NOL4: variants seen among roughly 807,000 people sequenced by gnomAD.
The protein encoded by NOL4 is cancer/testis antigen 125.
NOL4 carries 17 observed loss-of-function variants against 75.9 expected under a neutral mutation model. That is an observed-to-expected ratio of 0.22 (90% CI 0.15 to 0.34). The LOEUF (loss-of-function observed/expected upper bound fraction) is 0.34. Ranked by LOEUF, NOL4 falls within the 10% of genes least tolerant of loss-of-function variation. The pLI is 1.00. For synonymous variants in NOL4, 292 were observed against 289.9 expected (o/e 1.01, Z -0.07); for missense variants, 614 against 793.5 (o/e 0.77, Z 2.72).
At chr18:34,054,887 A>G (rs1306692930) in intron 5 of NOL4, among the ~76,000 whole-genome samples, 1 of 150,916 alleles carries the variant, frequency 6.6e-6, no homozygotes, top group African/African-American at 2.4e-5. Context: ...TACTGTTGCA[A>G]TTAGACAAAA....
chr18:34,087,563 G>C (rs1321781461), intron 5 of NOL4, among the ~76,000 whole-genome samples: 5 of 151,884 alleles, frequency 3.3e-5, no homozygotes, highest in Non-Finnish European at 7.4e-5. Flanking sequence ...AATTTCATAT[G>C]GTTTAATCTA....
At chr18:34,012,562 T>C (rs753966126) in intron 6 of NOL4, among the ~76,000 whole-genome samples, 5 of 151,880 alleles carry the variant, frequency 3.3e-5, no homozygotes, top group Non-Finnish European at 7.4e-5. Context: ...AAGATGCTGT[T>C]TTAAATTGGT....
At chr18:33,938,465 A>G (rs1416163628) in intron 9 of NOL4, among the ~76,000 whole-genome samples, 1 of 152,076 alleles carries the variant, frequency 6.6e-6, no homozygotes, top group African/African-American at 2.4e-5. Flanking sequence ...CTTTTTAATG[A>G]TCGCCATTCT....
chr18:34,124,558 A>C (rs1416801248), intron 2 of NOL4, among the ~76,000 whole-genome samples: 4 of 152,110 alleles, frequency 2.6e-5, no homozygotes, highest in African/African-American at 9.7e-5. Context: ...CTTAACTTCT[A>C]ACTGTCAAAC....
chr18:33,947,254 G>C (rs1312423757), intron 8 of NOL4, among the ~76,000 whole-genome samples: 2 of 151,666 alleles, frequency 1.3e-5, no homozygotes, highest in African/African-American at 4.8e-5. Flanking sequence ...ATCTCCTTCT[G>C]AACTCTCCTT....
At chr18:33,947,011 TA>T (rs1463429554) in intron 8 of NOL4, among the ~76,000 whole-genome samples, 1 of 151,716 alleles carries the variant, frequency 6.6e-6, no homozygotes, top group African/African-American at 2.4e-5. Flanking sequence ...AATGAGCCAA[TA>T]ATAAATGCCA....
chr18:34,101,984 T>C (rs2079062117), intron 4 of NOL4, among the ~76,000 whole-genome samples: 1 of 152,030 alleles, frequency 6.6e-6, no homozygotes, highest in African/African-American at 2.4e-5. Context: ...GTTCCAACCA[T>C]GTTGACTGTC....
At chr18:34,034,778 A>G (rs997621349) in intron 5 of NOL4, among the ~76,000 whole-genome samples, 1 of 151,854 alleles carries the variant, frequency 6.6e-6, no homozygotes, top group African/African-American at 2.4e-5. Flanking sequence ...ACAATCCCAA[A>G]GTGAGCAGGA....
chr18:33,932,574 A>T (rs1385111431), intron 9 of NOL4, among the ~76,000 whole-genome samples: 1 of 152,172 alleles, frequency 6.6e-6, no homozygotes, highest in Non-Finnish European at 1.5e-5. Flanking sequence ...TATGATAGAA[A>T]AAAAGTAAAA....
At chr18:33,922,734 C>T (rs2067114003) in intron 9 of NOL4, among the ~76,000 whole-genome samples, 1 of 152,116 alleles carries the variant, frequency 6.6e-6, no homozygotes, top group Admixed American at 6.5e-5. Flanking sequence ...TTTTGAAATA[C>T]ATTCTTAAAG....
intron 9 of NOL4, among the ~76,000 whole-genome samples, chr18:33,915,202 T>A: frequency 6.6e-6 from 1 of 152,102 alleles, no homozygotes; most frequent in East Asian, 1.9e-4. Context: ...CCATTGGCTC[T>A]AGAAATGTGG....
intron 9 of NOL4, among the ~76,000 whole-genome samples, chr18:33,923,345 T>C (rs1456982202): frequency 2.0e-5 from 3 of 152,104 alleles, no homozygotes; most frequent in African/African-American, 7.2e-5. Flanking sequence ...TAAGCAGAAT[T>C]ATCATAGATT....
intron 5 of NOL4, among the ~76,000 whole-genome samples, chr18:34,049,678 C>A (rs1000860380): frequency 3.3e-5 from 5 of 152,044 alleles, no homozygotes; most frequent in African/African-American, 1.2e-4. Context: ...TATTTCTCAA[C>A]CTTTTATGTT....
At chr18:34,060,010 G>T (rs1386118460) in intron 5 of NOL4, among the ~76,000 whole-genome samples, 1 of 152,144 alleles carries the variant, frequency 6.6e-6, no homozygotes, top group Non-Finnish European at 1.5e-5. Context: ...GAGGACTACA[G>T]CTCCCACCAA....
At chr18:34,220,210 C>T (rs1300740083) in intron 1 of NOL4, among the ~76,000 whole-genome samples, 2 of 152,104 alleles carry the variant, frequency 1.3e-5, no homozygotes, top group Non-Finnish European at 2.9e-5. Context: ...GTATAACCTC[C>T]CAGGTGCCAT....
intron 1 of NOL4, among the ~76,000 whole-genome samples, chr18:34,189,371 C>G (rs1326182639): frequency 6.6e-6 from 1 of 152,118 alleles, no homozygotes; most frequent in African/African-American, 2.4e-5. Context: ...TGACCCAATC[C>G]AACTTAAAGG....
intron 6 of NOL4, among the ~76,000 whole-genome samples, chr18:33,995,890 T>A (rs1042089455): frequency 6.6e-6 from 1 of 151,938 alleles, no homozygotes; most frequent in Admixed American, 6.6e-5. Context: ...AAAGAATACA[T>A]GTATGTTGCT....
At chr18:33,894,790 A>G (rs1184225173) in intron 9 of NOL4, among the ~76,000 whole-genome samples, 1 of 152,138 alleles carries the variant, frequency 6.6e-6, no homozygotes, top group Non-Finnish European at 1.5e-5. Context: ...AGAGAAGTAG[A>G]GAGTAGAATT....
At chr18:33,978,352 G>T (rs1266986223) in intron 6 of NOL4, among the ~76,000 whole-genome samples, 2 of 152,130 alleles carry the variant, frequency 1.3e-5, no homozygotes, top group African/African-American at 4.8e-5. Flanking sequence ...GGCCAAAGGA[G>T]AGACTTGGGT....
Sources: gnomAD v4.1 joint callset for allele counts (sites outside exome capture counted in the v4.1 genomes callset) on GRCh38, gnomAD v4.1.1 for gene constraint, MANE v1.5 for transcripts, NCBI Gene and HGNC (gene_info 2026-07-23, HGNC 2026-07-21) for gene names.